Variants in SLC9A2 observed in about 807,000 individuals in gnomAD.
SLC9A2 encodes the protein sodium/hydrogen exchanger 2.
SLC9A2 carries 42 observed loss-of-function variants against 71.7 expected under a neutral mutation model. That is an observed-to-expected ratio of 0.59 (90% CI 0.46 to 0.76). The LOEUF is 0.76. Ranked by LOEUF, SLC9A2 falls within the 30% of genes least tolerant of loss-of-function variation. The probability of loss-of-function intolerance (pLI) is 0.00; values close to 1 mark genes in which losing one functional copy is unlikely to be tolerated. For synonymous variants in SLC9A2, 396 were observed against 392.5 expected, an observed-to-expected ratio of 1.01 and a Z score of -0.10; for missense variants, 829 against 1,017.4, an observed-to-expected ratio of 0.81 and a Z score of 2.52.
At chr2:102,688,791 T>G (rs1272587726) in intron 5 of SLC9A2, among the ~76,000 whole-genome samples, 1 of 152,152 alleles carries the variant, frequency 6.6e-6, no homozygotes, top group African/African-American at 2.4e-5. Context: ...AGGTAAGTTC[T>G]TTCAATATAT....
chr2:102,696,804 C>A (rs1349725106), intron 7 of SLC9A2, among the ~76,000 whole-genome samples: 1 of 152,154 alleles, frequency 6.6e-6, no homozygotes, highest in African/African-American at 2.4e-5. Flanking sequence ...CATGGGAACA[C>A]AAGGTAATAA....
At chr2:102,636,857 C>T (rs747947167) in intron 1 of SLC9A2, among the ~76,000 whole-genome samples, 9 of 152,140 alleles carry the variant, frequency 5.9e-5, no homozygotes, top group Non-Finnish European at 1.0e-4. Context: ...GAAATAGTCA[C>T]TAGAACTTGT....
intron 3 of SLC9A2, among the ~76,000 whole-genome samples, chr2:102,676,438 T>C (rs569262256): frequency 1.1e-4 from 16 of 152,330 alleles, no homozygotes; most frequent in African/African-American, 3.4e-4. Context: ...TAAACATTAG[T>C]TGAATTGAAT....
chr2:102,675,661 T>C lies in SLC9A2; in HGVS notation c.1005-7600T>C, dbSNP rs569324163. On this transcript the variant is annotated intron_variant, in intron 3 of 11. Coordinates refer to ENST00000233969, the MANE Select transcript of SLC9A2 (RefSeq NM_003048.6). ...GTGAAGATGCCTGCACACTAACTAG[T>C]CTAGGCAAGAGAACACAGAGACCTG... Among the ~76,000 whole-genome samples the C allele has an allele frequency of 2.6e-5, 4 of 152,070 alleles. No homozygotes were observed. The South Asian group carries it at 8.3e-4, about 32-fold the overall frequency.
At chr2:102,690,232 G>C (rs1294476333) in intron 5 of SLC9A2, among the ~76,000 whole-genome samples, 2 of 152,098 alleles carry the variant, frequency 1.3e-5, no homozygotes, top group African/African-American at 4.8e-5. Flanking sequence ...GAGAGAAGAG[G>C]CCTCTAGCAA....
intron 1 of SLC9A2, among the ~76,000 whole-genome samples, chr2:102,648,717 G>A (rs1290596002): frequency 6.6e-6 from 1 of 152,120 alleles, no homozygotes; most frequent in Non-Finnish European, 1.5e-5. Context: ...CAAATCATGA[G>A]TGAACTCCCA....
intron 1 of SLC9A2, among the ~76,000 whole-genome samples, chr2:102,624,240 A>G (rs534935000): frequency 3.9e-4 from 59 of 152,342 alleles, no homozygotes; most frequent in African/African-American, 1.4e-3. Flanking sequence ...TTTTGGCAAG[A>G]AATGTTTCCT....
chr2:102,621,317 C>G (rs2104492396), intron 1 of SLC9A2, among the ~76,000 whole-genome samples: 1 of 147,768 alleles, frequency 6.8e-6, no homozygotes, highest in South Asian at 2.2e-4. Flanking sequence ...CCACTGCACT[C>G]CAGCCTGGGC....
chr2:102,710,732 C>CTA lies in SLC9A2; in HGVS notation c.*2244_*2245dup, dbSNP rs1345264391. On this transcript the variant is annotated 3_prime_UTR_variant, in exon 12 of 12. Transcript: ENST00000233969. ...TCACTAGTCATTATGAGAGTATTGA[C>CTA]TAAATATTTTCACAATCTAAATATT... is the stretch of plus-strand genomic sequence containing the variant. The CTA allele has an allele frequency of 6.6e-6, 1 of 152,122 alleles. No homozygotes were observed. Among genetic ancestry groups the CTA allele is most frequent in the East Asian group, 1.9e-4 (1 of 5,286 alleles). 9.4% of individuals were successfully genotyped at this position (152,122 alleles called of 1,614,324 possible).
At chr2:102,664,329 A>G (rs1677096831) in intron 2 of SLC9A2, among the ~76,000 whole-genome samples, 1 of 151,936 alleles carries the variant, frequency 6.6e-6, no homozygotes, top group Non-Finnish European at 1.5e-5. Flanking sequence ...AGTTTTGCTG[A>G]TGTACCTTCC....
chr2:102,701,966 G>A (rs936861202), intron 8 of SLC9A2, among the ~76,000 whole-genome samples: 5 of 152,144 alleles, frequency 3.3e-5, no homozygotes, highest in African/African-American at 1.2e-4. Context: ...CCACAAATGA[G>A]GATTGACTGG....
In SLC9A2 at chr2:102,619,598, G is replaced by GGCTGAGGGCT. The variant is rs1676090398; in HGVS notation, c.-242_-233dup. The GGCTGAGGGCT allele has an allele frequency of 2.8e-6, 1 of 357,510 alleles. No individual in the cohort carries two copies. Among genetic ancestry groups the GGCTGAGGGCT allele is most frequent in the African/African-American group, 2.1e-5 (1 of 47,270 alleles). 22.1% of individuals were successfully genotyped at this position (357,510 alleles called of 1,614,324 possible). ...GGGCAGGCGGCCGGCGGCGGAGGGCGGCTGAGGGCTGCTGAGGGTACGCGC... is the reference window on the plus strand; with the variant it reads ...GGGCAGGCGGCCGGCGGCGGAGGGCGGCTGAGGGCTGCTGAGGGCTGCTGAGGGTACGCGC... On this transcript the variant is annotated 5_prime_UTR_variant, in exon 1 of 12. Transcript: ENST00000233969. This position sits in a 1 kb window ranked among gnomAD's most constrained non-coding sequence, Gnocchi z 4.3.
intron 1 of SLC9A2, among the ~76,000 whole-genome samples, chr2:102,622,187 A>G (rs1450675021): frequency 6.6e-6 from 1 of 152,180 alleles, no homozygotes; most frequent in Non-Finnish European, 1.5e-5. Flanking sequence ...ATTGCCTCTA[A>G]TAATAAACTC....
Position 102,710,744 on chromosome 2 carries a change from A to G in SLC9A2, c.*2255A>G, listed in dbSNP as rs1437994906. 2.0e-5 allele frequency: 3 copies of G among 152,290 alleles called. No homozygotes were observed. Among genetic ancestry groups the G allele is most frequent in the Non-Finnish European group, 4.4e-5 (3 of 68,036 alleles). 9.4% of individuals were successfully genotyped at this position (152,290 alleles called of 1,614,324 possible). On this transcript the variant is annotated 3_prime_UTR_variant, in exon 12 of 12. Transcript: ENST00000233969. ...ATGAGAGTATTGACTAAATATTTTC[A>G]CAATCTAAATATTGTCACAATCTAA...
At chr2:102,631,452 G>A (rs2215946) in intron 1 of SLC9A2, among the ~76,000 whole-genome samples, 86,441 of 151,736 alleles carry the variant, frequency 0.57, 26,167 homozygotes, top group East Asian at 0.77. Context: ...TCACGCATCT[G>A]TGTCAGGAGT....
chr2:102,696,792 T>C (rs1434782680), intron 7 of SLC9A2, among the ~76,000 whole-genome samples: 1 of 151,834 alleles, frequency 6.6e-6, no homozygotes, highest in Non-Finnish European at 1.5e-5. Flanking sequence ...CCCAATTAGC[T>C]ACATGGGAAC....
At chr2:102,694,986 T>A in intron 6 of SLC9A2, 57 bp from the exon 7 acceptor site, 1 of 1,424,918 alleles carries the variant, frequency 7.0e-7, no homozygotes, top group South Asian at 1.2e-5. Flanking sequence ...ACAAGTAGAG[T>A]GAAAATTATT....
chr2:102,632,089 T>TAC (rs1457763526), intron 1 of SLC9A2, among the ~76,000 whole-genome samples: 1 of 127,400 alleles, frequency 7.8e-6, no homozygotes, highest in African/African-American at 3.6e-5. Flanking sequence ...CACATATATA[T>TAC]ACACATATAT....
At chr2:102,650,873 A>G (rs1676818649) in intron 1 of SLC9A2, among the ~76,000 whole-genome samples, 1 of 152,176 alleles carries the variant, frequency 6.6e-6, no homozygotes, top group Non-Finnish European at 1.5e-5. Flanking sequence ...ATCGTCTGCC[A>G]CTTCTTCTAG....
Sources: allele counts gnomAD v4.1 joint callset (sites outside exome capture counted in the v4.1 genomes callset), GRCh38; gene constraint gnomAD v4.1.1; non-coding constraint Gnocchi (gnomAD v3.1); transcripts MANE v1.5; gene names NCBI Gene and HGNC (gene_info 2026-07-23, HGNC 2026-07-21).